HABP2: variants seen among roughly 807,000 people sequenced by gnomAD.
HABP2 encodes the protein hyaluronan binding protein 2.
Under a neutral mutation model 66.5 loss-of-function variants are expected in HABP2, and 65 were observed. The ratio of observed to expected loss-of-function variants is 0.98; its 90% CI spans 0.80 to 1.20. The LOEUF (loss-of-function observed/expected upper bound fraction) is 1.20. Among genes scored for constraint, HABP2 ranks in the 50% most tolerant of loss-of-function variants. HABP2 has a pLI of 0.00. For synonymous variants in HABP2, 263 were observed against 253.9 expected, an observed-to-expected ratio of 1.04 and a Z score of -0.34; for missense variants, 786 against 691.0, an observed-to-expected ratio of 1.14 and a Z score of -1.54.
Position 113,574,659 on chromosome 10 carries a change from G to A in HABP2, c.223+254G>A, listed in dbSNP as rs75063776. On this transcript the variant is annotated intron_variant, in intron 3 of 12. Coordinates refer to ENST00000351270, the MANE Select transcript of HABP2 (RefSeq NM_004132.5). Reference sequence around the variant, plus strand: ...TGAGGCTAAGAGAGGAGCTGACTTGGCCAAGGTCATGCAGCAAGTTAATGC... The same window carrying A: ...TGAGGCTAAGAGAGGAGCTGACTTGACCAAGGTCATGCAGCAAGTTAATGC... Among the ~76,000 whole-genome samples the A allele has an allele frequency of 2.8e-4, 43 of 152,296 alleles. No homozygotes were observed. In the East Asian group the frequency reaches 7.7e-3, roughly 27 times the overall value.
At chr10:113,577,054 C>T (rs1845424464) in intron 4 of HABP2, 96 bp from the exon 5 acceptor site, 4 of 759,638 alleles carry the variant, frequency 5.3e-6, no homozygotes, top group Admixed American at 1.8e-5. Context: ...GCTACAGACA[C>T]TGTCAGTCAC....
At chr10:113,568,159 C>T (rs1253283379) in intron 2 of HABP2, among the ~76,000 whole-genome samples, 2 of 152,226 alleles carry the variant, frequency 1.3e-5, no homozygotes, top group Non-Finnish European at 2.9e-5. Flanking sequence ...CTAAGCAGGG[C>T]CACCCCTTCC....
Position 113,583,285 on chromosome 10 carries a change from G to C in HABP2, c.1164G>C (p.Gln388His). Residue 388 changes from glutamine to histidine, a missense_variant, in exon 10 of 13, where the codon CAG becomes CAC. By Grantham distance (24) the Gln-to-His change is conservative. Coordinates refer to ENST00000351270, the MANE Select transcript of HABP2 (RefSeq NM_004132.5). ...TGAAGAAAGAAGAATTTCATGAGCA[G>C]AGCTTTAGGGTGGAGAAGATATTCA... Reference protein sequence around the residue: ...QDLKKEEFHEQSFRVEKIFKY... With the variant: ...QDLKKEEFHEHSFRVEKIFKY... The C allele has an allele frequency of 6.2e-7, 1 of 1,611,734 alleles. No individual in the cohort carries two copies. Among genetic ancestry groups the C allele is most frequent in the Non-Finnish European group, 8.5e-7 (1 of 1,177,798 alleles).
chr10:113,578,715 C>T lies in HABP2; in HGVS notation c.657C>T (p.Asn219=). ...ACCAGCATGCGTGCCTTTACTGGAA[C>T]TCCCACCTCCTCTTGCAGGAGAATT... ...TVNQHACLYW[N]SHLLLQENYN... is the part of the protein sequence containing the mutation. Residue 219 remains asparagine, a synonymous_variant, in exon 7 of 13, where the codon AAC becomes AAT. Coordinates refer to ENST00000351270, the MANE Select transcript of HABP2 (RefSeq NM_004132.5). 6.2e-7 allele frequency: 1 copy of T among 1,608,620 alleles called. No homozygotes were observed. The highest frequency in any genetic ancestry group is 8.5e-7 in the Non-Finnish European group (1 of 1,175,034).
chr10:113,565,311 G>A (rs1845178196), intron 1 of HABP2, among the ~76,000 whole-genome samples: 1 of 152,178 alleles, frequency 6.6e-6, no homozygotes, highest in Non-Finnish European at 1.5e-5. Context: ...GAATACCTGA[G>A]GCTGGGTGAT....
At position 113,588,876 on chromosome 10, in the gene HABP2, G is replaced by C. The variant is rs957653359; in HGVS notation, c.*507G>C. Reference sequence around the variant, plus strand: ...AATAAAGGAAGATCTGGGATGGGCTGGTGGGCCATTCCAGCTTGCCGAAAT... The same window carrying C: ...AATAAAGGAAGATCTGGGATGGGCTCGTGGGCCATTCCAGCTTGCCGAAAT... On this transcript the variant is annotated 3_prime_UTR_variant, in exon 13 of 13. Coordinates refer to ENST00000351270, the MANE Select transcript of HABP2 (RefSeq NM_004132.5). The C allele has an allele frequency of 1.2e-6, 1 of 813,590 alleles. No homozygotes were observed. Among genetic ancestry groups the C allele is most frequent in the African/African-American group, 1.7e-5 (1 of 58,916 alleles). The allele number at this position is 813,590 out of a possible 1,614,324, so 50.4% of individuals were successfully genotyped here. A position where few individuals can be genotyped will look rare whatever the true frequency, so the allele number is the denominator to read the frequency against.
Position 113,588,923 on chromosome 10 carries a change from T to C in HABP2, c.*554T>C. 7.0e-7 allele frequency: 1 copy of C among 1,431,944 alleles called. No individual in the cohort carries two copies. The highest frequency in any genetic ancestry group is 9.8e-7 in the Non-Finnish European group (1 of 1,015,956). 88.7% of individuals were successfully genotyped at this position (1,431,944 alleles called of 1,614,324 possible). Reference sequence around the variant, plus strand: ...AAATCAAAGCCATCTGAAGCCTGTCTCTGGTGAACAAACTTCCTCTCTGGC... The same window carrying C: ...AAATCAAAGCCATCTGAAGCCTGTCCCTGGTGAACAAACTTCCTCTCTGGC... On this transcript the variant is annotated 3_prime_UTR_variant, in exon 13 of 13. Transcript: ENST00000351270.
intron 7 of HABP2, among the ~76,000 whole-genome samples, chr10:113,579,870 C>T (rs545369241): frequency 6.6e-6 from 1 of 152,016 alleles, no homozygotes; most frequent in African/African-American, 2.4e-5. Context: ...GCAACCTCTG[C>T]CTCTCAGGTT....
intron 1 of HABP2, among the ~76,000 whole-genome samples, chr10:113,563,340 C>T (rs1845134758): frequency 1.3e-5 from 2 of 152,314 alleles, no homozygotes; most frequent in South Asian, 4.1e-4. Context: ...AGGTTAGTTT[C>T]AGGGATCCGG....
intron 4 of HABP2, among the ~76,000 whole-genome samples, chr10:113,576,397 G>T (rs1271006631): frequency 6.6e-6 from 1 of 152,230 alleles, no homozygotes; most frequent in Admixed American, 6.5e-5. Flanking sequence ...GGAACCCAGA[G>T]AGTGGGGGCA....
intron 5 of HABP2, 50 bp downstream of exon 5, chr10:113,577,316 T>C: frequency 1.0e-6 from 1 of 955,874 alleles, no homozygotes; most frequent in Non-Finnish European, 1.7e-6. Context: ...CCCTATCTTG[T>C]ACCTGCACCC....
In HABP2 at chr10:113,576,079, T is replaced by C. The variant is rs1337893113; in HGVS notation, c.331+75T>C. 1.3e-5 allele frequency: 11 copies of C among 837,966 alleles called. No individual in the cohort carries two copies. In the Admixed American group the frequency reaches 1.8e-4, roughly 13 times the overall value. The allele number at this position is 837,966 out of a possible 1,614,324, so 51.9% of individuals were successfully genotyped here. On this transcript the variant is annotated intron_variant, in intron 4 of 12. Coordinates refer to ENST00000351270, the MANE Select transcript of HABP2 (RefSeq NM_004132.5). ...CAGTCCTTTCTGTGTGAGAAAGCAC[T>C]GCGCAATGCCATGGAAAGGATTATA...
At chr10:113,570,588 C>T (rs1845287826) in intron 2 of HABP2, among the ~76,000 whole-genome samples, 1 of 152,206 alleles carries the variant, frequency 6.6e-6, no homozygotes, top group African/African-American at 2.4e-5. Context: ...GGCTACTGTG[C>T]CTCTCTACCC....
In HABP2 at chr10:113,578,316, A is replaced by G. The variant is rs527563321; in HGVS notation, c.568+171A>G. 2.0e-5 allele frequency among the ~76,000 whole-genome samples: 3 copies of G among 152,282 alleles called. No individual in the cohort carries two copies. In the East Asian group the frequency reaches 5.8e-4, roughly 29 times the overall value. ...TCTGGCTTCCTGTAAAGAAAGTAATAAACTGGGGTGTAGTGCAGGCAAGTC... is the reference window on the plus strand; with the variant it reads ...TCTGGCTTCCTGTAAAGAAAGTAATGAACTGGGGTGTAGTGCAGGCAAGTC... On this transcript the variant is annotated intron_variant, in intron 6 of 12. Transcript: ENST00000351270.
At chr10:113,566,960 G>A (rs1845208998) in intron 1 of HABP2, among the ~76,000 whole-genome samples, 1 of 152,140 alleles carries the variant, frequency 6.6e-6, no homozygotes, top group African/African-American at 2.4e-5. Flanking sequence ...AGCCACTGAA[G>A]GGTTTTAAGC....
At chr10:113,552,129 G>A (rs1230632205), upstream of HABP2, among the ~76,000 whole-genome samples, 1 of 152,068 alleles carries the variant, frequency 6.6e-6, no homozygotes, top group East Asian at 1.9e-4. Flanking sequence ...TGCAGTCCAC[G>A]TGCCAAACAG....
intron 1 of HABP2, among the ~76,000 whole-genome samples, chr10:113,558,043 GACAA>G (rs1274340092): frequency 3.9e-5 from 6 of 152,142 alleles, no homozygotes; most frequent in Non-Finnish European, 7.4e-5. Context: ...ACTGCCCAAA[GACAA>G]ACAAGACCGT....
chr10:113,569,064 C>A (rs914443763), intron 2 of HABP2, among the ~76,000 whole-genome samples: 2 of 152,166 alleles, frequency 1.3e-5, no homozygotes, highest in Admixed American at 6.5e-5. Context: ...CAGATTTGAT[C>A]TGCAAACAGG....
At position 113,584,157 on chromosome 10, in the gene HABP2, A is replaced by G. The variant is rs149811202; in HGVS notation, c.1247A>G (p.Lys416Arg). Residue 416 changes from lysine to arginine, a missense_variant, in exon 11 of 13, where the codon AAG (lysine) becomes AGG (arginine). Transcript: ENST00000351270. ...EIPHNDIALL[K>R]LKPVDGHCAL... ...CTCTCTCTCCACCTAGCATTGCTCA[A>G]GTTAAAGCCAGTGGATGGTCACTGT... is the stretch of plus-strand genomic sequence containing the variant. 3.1e-6 allele frequency: 5 copies of G among 1,613,752 alleles called. No homozygotes were observed. The African/African-American group carries it at 6.7e-5, about 22-fold the overall frequency.
Sources: allele counts gnomAD v4.1 joint callset (sites outside exome capture counted in the v4.1 genomes callset), GRCh38; gene constraint gnomAD v4.1.1; transcripts MANE v1.5; gene names NCBI Gene and HGNC (gene_info 2026-07-23, HGNC 2026-07-21).